Variants in STAB2 observed in about 807,000 individuals in gnomAD.
STAB2 encodes the protein stabilin 2, also known as stabilin-2.
STAB2 carries 288 observed loss-of-function variants against 338.1 expected under a neutral mutation model. The ratio of observed to expected loss-of-function variants is 0.85; its 90% CI spans 0.77 to 0.94. The LOEUF is 0.94. STAB2 is among the 40% of genes least tolerant of loss of function. STAB2 has a pLI of 0.00. For synonymous variants in STAB2, 1,202 were observed against 1,193.3 expected, an observed-to-expected ratio of 1.01 and a Z score of -0.15; for missense variants, 3,141 against 3,210.1, an observed-to-expected ratio of 0.98 and a Z score of 0.52.
intron 25 of STAB2, among the ~76,000 whole-genome samples, chr12:103,679,391 G>T (rs185657370): frequency 1.3e-5 from 2 of 151,790 alleles, no homozygotes; most frequent in African/African-American, 2.4e-5. Flanking sequence ...AAAAAGGGGG[G>T]TCAACATGAT....
At chr12:103,660,429 A>G (rs1874511332) in intron 16 of STAB2, 45 bp downstream of exon 16, 13 of 1,601,142 alleles carry the variant, frequency 8.1e-6, no homozygotes, top group Non-Finnish European at 1.1e-5. Flanking sequence ...TGCTTCCAAG[A>G]TAGCTAACTT....
At position 103,606,558 on chromosome 12, in the gene STAB2, G is replaced by A. The variant is rs543707370; in HGVS notation, c.331+12048G>A. Among the ~76,000 whole-genome samples, 24 of 151,934 alleles carry A rather than the reference G, an allele frequency of 1.6e-4. No individual in the cohort carries two copies. In the South Asian group the frequency reaches 2.1e-3, roughly 13 times the overall value. ...CTAGTGATTAATTCTTCTACCTTTC[G>A]TATGTCTGAAAAAGTCCTTATCTTG... On this transcript the variant is annotated intron_variant, in intron 3 of 68. Coordinates refer to ENST00000388887, the MANE Select transcript of STAB2 (RefSeq NM_017564.10).
intron 3 of STAB2, among the ~76,000 whole-genome samples, chr12:103,608,399 C>G (rs1333498797): frequency 6.6e-6 from 1 of 152,202 alleles, no homozygotes; most frequent in Non-Finnish European, 1.5e-5. Flanking sequence ...GCCTCCGCCT[C>G]CCAAAGTGCT....
chr12:103,627,797 G>C (rs939163970), intron 5 of STAB2, among the ~76,000 whole-genome samples: 3 of 152,196 alleles, frequency 2.0e-5, no homozygotes, highest in Admixed American at 6.5e-5. Flanking sequence ...TTGGGAGCAG[G>C]AGCCCTCTGT....
chr12:103,762,364 C>G lies in STAB2; in HGVS notation c.7450C>G (p.Arg2484Gly), dbSNP rs201240497. ...AVALAAYSYF[R>G]INRRTIGFQH... ...TGCCTTGGCTGCTTACTCCTACTTTCGGATAAACCGGAGAACAATCGGCTT... is the reference window on the plus strand; with the variant it reads ...TGCCTTGGCTGCTTACTCCTACTTTGGGATAAACCGGAGAACAATCGGCTT... The change falls in exon 67 of 69, where the codon CGG (arginine) becomes GGG (glycine). Residue 2484 changes from arginine (R) to glycine (G), a missense_variant. Arg to Gly is a moderately radical substitution (Grantham distance 125). Transcript: ENST00000388887. 1 of 1,614,194 alleles carries G rather than the reference C, an allele frequency of 6.2e-7. No homozygotes were observed. The highest frequency in any genetic ancestry group is 1.1e-5 in the South Asian group (1 of 91,090).
chr12:103,683,561 C>G lies in STAB2; in HGVS notation c.2901+261C>G, dbSNP rs374412792. Reference sequence around the variant, plus strand: ...GTAAGTAACAAACAATCTTTAAGCACAAGTAAGTCCCAAATATGGTGTGGG... The same window carrying G: ...GTAAGTAACAAACAATCTTTAAGCAGAAGTAAGTCCCAAATATGGTGTGGG... On this transcript the variant is annotated intron_variant, in intron 26 of 68. Transcript: ENST00000388887. 2.0e-3 allele frequency among the ~76,000 whole-genome samples: 297 copies of G among 152,272 alleles called. 10 individuals carry two copies. The South Asian group carries it at 0.057, about 29-fold the overall frequency.
rs913812890 is a variant in STAB2, at chr12:103,733,059, C to T, written c.5337C>T (p.Leu1779=). 20 of 1,614,028 alleles carry T rather than the reference C, an allele frequency of 1.2e-5. No individual in the cohort carries two copies. The highest frequency in any genetic ancestry group is 1.7e-5 in the Non-Finnish European group (20 of 1,180,020). The change falls in exon 51 of 69, where the codon CTC becomes CTT. Residue 1779 remains leucine (L), a synonymous_variant. Coordinates refer to ENST00000388887, the MANE Select transcript of STAB2 (RefSeq NM_017564.10). The part of the protein sequence containing the change: ...ITDPIHTPVT[L]FWPTDQALHA... ...ATCCCATCCACACCCCAGTCACTCT[C>T]TTCTGGCCCACCGACCAAGCCCTCC...
At chr12:103,765,603 A>C (rs1192596111) in intron 68 of STAB2, among the ~76,000 whole-genome samples, 3 of 152,264 alleles carry the variant, frequency 2.0e-5, no homozygotes, top group South Asian at 2.1e-4. Context: ...CTGGTGTGTC[A>C]CGCAGGCTGG....
chr12:103,758,434 T>TG, intron 64 of STAB2, 145 bp downstream of exon 64: 3 of 1,379,962 alleles, frequency 2.2e-6, no homozygotes, highest in Non-Finnish European at 2.9e-6. Context: ...GCCACTCCCT[T>TG]GGTCTTGGCA....
chr12:103,659,499 G>A (rs1368759715), intron 15 of STAB2, among the ~76,000 whole-genome samples: 2 of 152,246 alleles, frequency 1.3e-5, no homozygotes, highest in African/African-American at 4.8e-5. Context: ...GACTGTGGCT[G>A]TGCTACTTAA....
chr12:103,692,894 A>G lies in STAB2; in HGVS notation c.3375+5A>G. 1 of 1,611,256 alleles carries G rather than the reference A, an allele frequency of 6.2e-7. No homozygotes were observed. Among genetic ancestry groups the G allele is most frequent in the Non-Finnish European group, 8.5e-7 (1 of 1,177,594 alleles). ...GTGATACACATCATCAACAAGGTACAAGATTCCATTCTCCTGTGCGTGCAG... is the reference window on the plus strand; with the variant it reads ...GTGATACACATCATCAACAAGGTACGAGATTCCATTCTCCTGTGCGTGCAG... On this transcript the variant is annotated splice_donor_5th_base_variant and intron_variant, in intron 31 of 68. Coordinates refer to ENST00000388887, the MANE Select transcript of STAB2 (RefSeq NM_017564.10).
chr12:103,695,249 G>A (rs567189390), intron 31 of STAB2, among the ~76,000 whole-genome samples: 1 of 152,292 alleles, frequency 6.6e-6, no homozygotes, highest in African/African-American at 2.4e-5. Flanking sequence ...GTAGATTAAT[G>A]CGAGCTGGAA....
At chr12:103,686,304 C>T (rs766168192) in intron 27 of STAB2, among the ~76,000 whole-genome samples, 1 of 152,186 alleles carries the variant, frequency 6.6e-6, no homozygotes, top group Admixed American at 6.5e-5. Flanking sequence ...GTGCCTTCTA[C>T]TCACCGAGTC....
intron 15 of STAB2, among the ~76,000 whole-genome samples, chr12:103,656,569 A>G (rs1315264184): frequency 6.6e-6 from 1 of 152,194 alleles, no homozygotes; most frequent in Non-Finnish European, 1.5e-5. Flanking sequence ...TGTTTTGGGA[A>G]TGCTGAAAGT....
intron 3 of STAB2, among the ~76,000 whole-genome samples, chr12:103,603,970 T>C (rs1028910751): frequency 2.6e-5 from 4 of 152,340 alleles, no homozygotes; most frequent in Middle Eastern, 3.4e-3. Context: ...TCATGGCTTT[T>C]GGTTCTACTT....
intron 39 of STAB2, 119 bp downstream of exon 39, chr12:103,708,655 T>A (rs1198896727): frequency 1.1e-6 from 1 of 939,788 alleles, no homozygotes; most frequent in East Asian, 2.6e-5. Context: ...ATAAACATGA[T>A]TCTTTCTTGC....
At chr12:103,752,032 T>A (rs1474290759) in intron 60 of STAB2, among the ~76,000 whole-genome samples, 1 of 152,114 alleles carries the variant, frequency 6.6e-6, no homozygotes, top group Non-Finnish European at 1.5e-5. Flanking sequence ...TGCAGCCGAT[T>A]TGGTAATGTG....
At chr12:103,662,122 A>G (rs1365824130) in intron 17 of STAB2, among the ~76,000 whole-genome samples, 4 of 152,208 alleles carry the variant, frequency 2.6e-5, no homozygotes, top group Admixed American at 2.6e-4. Flanking sequence ...TGAATTTTGA[A>G]TGTATCTGGT....
chr12:103,651,898 G>C (rs1487568550), intron 11 of STAB2, among the ~76,000 whole-genome samples: 1 of 152,146 alleles, frequency 6.6e-6, no homozygotes, highest in African/African-American at 2.4e-5. Flanking sequence ...CGATTAACCT[G>C]TCTGATATTC....
Sources: gnomAD v4.1 joint callset for allele counts (sites outside exome capture counted in the v4.1 genomes callset) on GRCh38, gnomAD v4.1.1 for gene constraint, MANE v1.5 for transcripts, NCBI Gene and HGNC (gene_info 2026-07-23, HGNC 2026-07-21) for gene names.